The following EDEM3 variants were observed in gnomAD, a reference collection of about 807,000 sequenced individuals.
The protein encoded by EDEM3 is ER degradation-enhancing alpha-mannosidase-like protein 3.
In EDEM3, 60 loss-of-function variants were observed where a neutral mutation model predicts 110.2. The observed-to-expected ratio is 0.54, with a 90% CI of 0.44 to 0.67. The LOEUF is 0.67. Ranked by LOEUF, EDEM3 falls within the 30% of genes least tolerant of loss-of-function variation. EDEM3 has a pLI of 0.00. For missense variants in EDEM3, 996 were observed against 1,121.0 expected, an observed-to-expected ratio of 0.89 and a Z score of 1.59; for synonymous variants, 352 against 382.9, an observed-to-expected ratio of 0.92 and a Z score of 0.94.
chr1:184,743,125 T>C (rs1436965482), intron 2 of EDEM3, among the ~76,000 whole-genome samples: 2 of 152,204 alleles, frequency 1.3e-5, no homozygotes, highest in Non-Finnish European at 2.9e-5. Context: ...TAAGGGAGTT[T>C]CAAACCAGGT....
At chr1:184,697,447 G>A (rs1649390443) in intron 19 of EDEM3, among the ~76,000 whole-genome samples, 1 of 151,860 alleles carries the variant, frequency 6.6e-6, no homozygotes, top group African/African-American at 2.4e-5. Context: ...TGAGGGGAGA[G>A]TTGCCCTATC....
At chr1:184,746,081 C>G (rs1162660371) in intron 2 of EDEM3, among the ~76,000 whole-genome samples, 1 of 152,192 alleles carries the variant, frequency 6.6e-6, no homozygotes. Flanking sequence ...AGAAAGCCAT[C>G]TGTGCAATTC....
intron 6 of EDEM3, among the ~76,000 whole-genome samples, chr1:184,726,923 G>A (rs1651225621): frequency 6.6e-6 from 1 of 152,188 alleles, no homozygotes; most frequent in Non-Finnish European, 1.5e-5. Flanking sequence ...TGGAAATATA[G>A]AGTGTATCAC....
intron 9 of EDEM3, 73 bp from the exon 10 acceptor site, chr1:184,719,641 A>C (rs959027180): frequency 1.4e-6 from 2 of 1,417,400 alleles, no homozygotes; most frequent in Non-Finnish European, 1.9e-6. Flanking sequence ...ATTAAATAGC[A>C]CTGTGAATAA....
intron 9 of EDEM3, chr1:184,721,043 A>G: frequency 2.8e-6 from 1 of 353,176 alleles, no homozygotes; most frequent in Non-Finnish European, 5.1e-6. Flanking sequence ...AATCTATTAC[A>G]TCTCTTATTG....
intron 1 of EDEM3, among the ~76,000 whole-genome samples, chr1:184,754,160 C>T (rs758744854): frequency 2.0e-5 from 3 of 152,220 alleles, no homozygotes; most frequent in Non-Finnish European, 4.4e-5. Context: ...GGCAGCCAAC[C>T]GCAGAACTCC....
intron 6 of EDEM3, among the ~76,000 whole-genome samples, chr1:184,727,097 G>C (rs1651233629): frequency 1.3e-5 from 2 of 152,184 alleles, no homozygotes; most frequent in Admixed American, 1.3e-4. Flanking sequence ...TTTGAGACCA[G>C]CCTCACCAAC....
In EDEM3 at chr1:184,698,420, G is replaced by C. The variant is rs79459964; in HGVS notation, c.2390-3948C>G. 2.8e-3 allele frequency among the ~76,000 whole-genome samples: 433 copies of C among 151,960 alleles called. 5 individuals are homozygous for C. The East Asian group carries it at 0.036, about 12-fold the overall frequency. On this transcript the variant is annotated intron_variant, in intron 19 of 19. Transcript: ENST00000318130. ...ATGGTTAAATAAATTATGGTACAGT[G>C]ATAATGCAAAACATAATGCAGCTTT... is the stretch of plus-strand genomic sequence containing the variant.
chr1:184,747,752 T>C (rs958093454), intron 2 of EDEM3, among the ~76,000 whole-genome samples: 18 of 152,184 alleles, frequency 1.2e-4, no homozygotes, highest in African/African-American at 3.9e-4. Flanking sequence ...GGCCAGAAAG[T>C]CCTCTGAAAG....
In EDEM3 at chr1:184,710,616, A is replaced by G; in HGVS notation, c.1692-69T>C. On this transcript the variant is annotated intron_variant, in intron 15 of 19. Transcript: ENST00000318130. The stretch of plus-strand genomic sequence containing the variant: ...AGAATTGGCAAAAAACACATGTCAA[A>G]TAAAAATAATGTTACTTGCAAAATT... 7.3e-6 allele frequency: 11 copies of G among 1,496,640 alleles called. No homozygotes were observed. The South Asian group carries it at 1.4e-4, about 19-fold the overall frequency. The allele number at this position is 1,496,640 out of a possible 1,614,324, so 92.7% of individuals were successfully genotyped here. A position where few individuals can be genotyped will look rare whatever the true frequency, so the allele number is the denominator to read the frequency against.
At chr1:184,733,970 A>G (rs1651682291) in intron 5 of EDEM3, among the ~76,000 whole-genome samples, 1 of 152,196 alleles carries the variant, frequency 6.6e-6, no homozygotes, top group Non-Finnish European at 1.5e-5. Flanking sequence ...CCTGTGATGA[A>G]GCTGACTAAT....
intron 2 of EDEM3, among the ~76,000 whole-genome samples, chr1:184,742,141 T>C (rs866945735): frequency 3.3e-5 from 5 of 151,560 alleles, no homozygotes; most frequent in Non-Finnish European, 5.9e-5. Context: ...ACTAAACACA[T>C]AGGAAAGGGA....
intron 13 of EDEM3, among the ~76,000 whole-genome samples, chr1:184,715,074 T>C (rs957500299): frequency 2.0e-5 from 3 of 152,010 alleles, no homozygotes; most frequent in Non-Finnish European, 4.4e-5. Flanking sequence ...GGATAGAGGG[T>C]GGAAACTCAT....
At chr1:184,749,684 A>G in intron 1 of EDEM3, 92 bp from the exon 2 acceptor site, 1 of 1,077,978 alleles carries the variant, frequency 9.3e-7, no homozygotes, top group Non-Finnish European at 1.3e-6. Flanking sequence ...CTTCCTCATA[A>G]AAAATATACC....
At chr1:184,729,464 T>C (rs1203758708) in intron 6 of EDEM3, among the ~76,000 whole-genome samples, 1 of 152,186 alleles carries the variant, frequency 6.6e-6, no homozygotes, top group Non-Finnish European at 1.5e-5. Flanking sequence ...AGCTGGCAAG[T>C]TGCTTTTAAT....
At chr1:184,731,009 C>T (rs995237397) in intron 6 of EDEM3, among the ~76,000 whole-genome samples, 1 of 152,044 alleles carries the variant, frequency 6.6e-6, no homozygotes, top group Non-Finnish European at 1.5e-5. Flanking sequence ...AGTTAAGGGA[C>T]ACTCAATACA....
chr1:184,696,972 C>G (rs955218696), intron 19 of EDEM3, among the ~76,000 whole-genome samples: 1 of 151,652 alleles, frequency 6.6e-6, no homozygotes, highest in Non-Finnish European at 1.5e-5. Flanking sequence ...AGAAAAAGAT[C>G]AAATTATTTG....
chr1:184,717,271 CA>C (rs1188932959), intron 12 of EDEM3, among the ~76,000 whole-genome samples: 1 of 151,906 alleles, frequency 6.6e-6, no homozygotes, highest in Non-Finnish European at 1.5e-5. Flanking sequence ...TGAAGAAAGG[CA>C]AGAGACATGC....
intron 2 of EDEM3, among the ~76,000 whole-genome samples, chr1:184,747,084 A>C (rs578059809): frequency 6.6e-6 from 1 of 152,272 alleles, no homozygotes; most frequent in African/African-American, 2.4e-5. Flanking sequence ...TTTCAAAAAA[A>C]TTTGCTAAGC....
Sources: gnomAD v4.1 joint callset for allele counts (sites outside exome capture counted in the v4.1 genomes callset) on GRCh38, gnomAD v4.1.1 for gene constraint, MANE v1.5 for transcripts, NCBI Gene and HGNC (gene_info 2026-07-23, HGNC 2026-07-21) for gene names.